Variants in DAB1 observed in about 807,000 individuals in gnomAD.
DAB1 encodes disabled homolog 1.
Under a neutral mutation model 64.6 loss-of-function variants are expected in DAB1, and 15 were observed. That is an observed-to-expected ratio of 0.23 (90% CI 0.16 to 0.36). The LOEUF (loss-of-function observed/expected upper bound fraction) is 0.36, where lower values mean the gene tolerates loss of function less well. Among genes scored for constraint, DAB1 ranks in the 10% least tolerant of loss-of-function variants. The pLI is 1.00. For missense variants in DAB1, 596 were observed against 706.7 expected (o/e 0.84, Z 1.78); for synonymous variants, 235 against 251.9 (o/e 0.93, Z 0.64).
chr1:57,205,390 G>T (rs563177607), intron 2 of DAB1, among the ~76,000 whole-genome samples: 1 of 152,184 alleles, frequency 6.6e-6, no homozygotes, highest in African/African-American at 2.4e-5. Context: ...CTCTCTGAGC[G>T]TAGCCATGGG....
At chr1:57,261,521 GTCTATTT>G (rs1456288788) in intron 2 of DAB1, among the ~76,000 whole-genome samples, 1 of 152,130 alleles carries the variant, frequency 6.6e-6, no homozygotes, top group African/African-American at 2.4e-5. Context: ...AGTGATCCAT[GTCTATTT>G]TGGTGTATCC....
intron 4 of DAB1, among the ~76,000 whole-genome samples, chr1:57,117,152 A>C (rs975606678): frequency 2.6e-5 from 4 of 152,194 alleles, no homozygotes; most frequent in African/African-American, 9.7e-5. Context: ...TTGGCTGAAA[A>C]AGCTGGAACT....
In DAB1 at chr1:58,072,086, G is replaced by C. The variant is rs946556792; in HGVS notation, n.387+78425C>G. 1.5e-4 allele frequency among the ~76,000 whole-genome samples: 5 copies of C among 32,576 alleles called. No individual in the cohort carries two copies. The Admixed American group carries it at 1.9e-3, about 13-fold the overall frequency. The allele number at this position is 32,576 out of a possible 152,430, so 21.4% of individuals were successfully genotyped here. On this transcript the variant is annotated intron_variant and non_coding_transcript_variant, in intron 5 of 20. Transcript: ENST00000485760. The stretch of plus-strand genomic sequence containing the variant: ...GGATAGCAAACATTATTGGTGGGGT[G>C]GGGGGGGGTGGGTAGTAGGGAAGGT...
chr1:58,251,949 G>A (rs138749892), intron 4 of DAB1, among the ~76,000 whole-genome samples: 1 of 152,238 alleles, frequency 6.6e-6, no homozygotes, highest in East Asian at 1.9e-4. Context: ...CTTCCCCTCT[G>A]CCTGTAGTTC....
At chr1:57,032,496 G>A (rs1005173800) in intron 9 of DAB1, among the ~76,000 whole-genome samples, 4 of 151,868 alleles carry the variant, frequency 2.6e-5, no homozygotes, top group Non-Finnish European at 5.9e-5. Flanking sequence ...CCTTCAGGAC[G>A]CAAATTAGAA....
rs577404216 is a variant in DAB1 at position 58,503,207 on chromosome 1, C to A, written n.257+2853G>T. ...AGCGAAAATAAAAAGAAAAAAAATT[C>A]AAGAGAAAATCATATTGTTATCATT... On this transcript the variant is annotated intron_variant and non_coding_transcript_variant, in intron 3 of 20. Transcript: ENST00000485760. Among the ~76,000 whole-genome samples the A allele has an allele frequency of 5.3e-5, 8 of 152,138 alleles. No homozygotes were observed. The South Asian group carries it at 1.7e-3, about 32-fold the overall frequency.
At chr1:57,619,850 G>A (rs1183312663) in intron 7 of DAB1, among the ~76,000 whole-genome samples, 2 of 152,130 alleles carry the variant, frequency 1.3e-5, no homozygotes, top group Non-Finnish European at 2.9e-5. Context: ...TCAAGGAGGG[G>A]AGGGGTCAAC....
chr1:58,481,749 T>C (rs1299459889), intron 3 of DAB1, among the ~76,000 whole-genome samples: 2 of 152,194 alleles, frequency 1.3e-5, no homozygotes, highest in East Asian at 1.9e-4. Flanking sequence ...CGTGCTGTTC[T>C]CATGATAGTG....
At chr1:57,117,255 C>T (rs1259657730) in intron 4 of DAB1, among the ~76,000 whole-genome samples, 3 of 152,236 alleles carry the variant, frequency 2.0e-5, no homozygotes, top group Non-Finnish European at 1.5e-5. Flanking sequence ...AGACACTCTA[C>T]TGGCTGGCCA....
At chr1:58,004,915 T>G (rs1349720569) in intron 5 of DAB1, among the ~76,000 whole-genome samples, 1 of 152,246 alleles carries the variant, frequency 6.6e-6, no homozygotes, top group East Asian at 1.9e-4. Flanking sequence ...ACTTTTCTTT[T>G]TCTCTAATAC....
chr1:57,857,971 T>G (rs1340087383), intron 1 of DAB1, among the ~76,000 whole-genome samples: 2 of 148,046 alleles, frequency 1.4e-5, no homozygotes, highest in African/African-American at 5.0e-5. Flanking sequence ...CCCTGAAGCC[T>G]AGAGAGGGGA....
chr1:57,501,564 C>CATTG (rs1644290073), intron 7 of DAB1, among the ~76,000 whole-genome samples: 1 of 152,188 alleles, frequency 6.6e-6, no homozygotes, highest in South Asian at 2.1e-4. Context: ...AACATCTGAA[C>CATTG]ATTGAACAAT....
chr1:57,152,857 G>A (rs1040508850), intron 2 of DAB1, among the ~76,000 whole-genome samples: 1 of 152,166 alleles, frequency 6.6e-6, no homozygotes, highest in Non-Finnish European at 1.5e-5. Context: ...GAGTTGGTAA[G>A]TGCTAAAGCT....
chr1:58,194,765 G>T (rs1003389107), intron 4 of DAB1, among the ~76,000 whole-genome samples: 1 of 152,080 alleles, frequency 6.6e-6, no homozygotes, highest in East Asian at 1.9e-4. Flanking sequence ...ACGTTCCATG[G>T]TGTCATTCTA....
intron 4 of DAB1, among the ~76,000 whole-genome samples, chr1:58,263,980 T>A (rs1246524453): frequency 1.3e-5 from 2 of 152,220 alleles, no homozygotes; most frequent in African/African-American, 4.8e-5. Context: ...AAGCATGATA[T>A]GTATAGTGTG....
intron 4 of DAB1, among the ~76,000 whole-genome samples, chr1:57,108,365 G>A (rs1035427624): frequency 6.6e-6 from 1 of 152,096 alleles, no homozygotes; most frequent in Non-Finnish European, 1.5e-5. Context: ...TTATCTACCT[G>A]CACTCAGCTG....
chr1:57,419,904 A>G (rs1684770318), intron 1 of DAB1, among the ~76,000 whole-genome samples: 1 of 152,240 alleles, frequency 6.6e-6, no homozygotes, highest in African/African-American at 2.4e-5. Flanking sequence ...TTTTAGTTTG[A>G]GAATCTCTGC....
intron 5 of DAB1, among the ~76,000 whole-genome samples, chr1:57,899,579 T>C (rs1482124170): frequency 6.6e-6 from 1 of 152,050 alleles, no homozygotes; most frequent in East Asian, 1.9e-4. Flanking sequence ...CACCCTACCC[T>C]GAGACCGCAA....
At chr1:57,473,842 T>C (rs762510900) in intron 7 of DAB1, among the ~76,000 whole-genome samples, 44 of 152,350 alleles carry the variant, frequency 2.9e-4, no homozygotes, top group Non-Finnish European at 6.0e-4. Context: ...TACTCATTTC[T>C]ATATATTTTT....
Sources: allele counts gnomAD v4.1 joint callset (sites outside exome capture counted in the v4.1 genomes callset), GRCh38; gene constraint gnomAD v4.1.1; transcripts MANE v1.5; gene names NCBI Gene and HGNC (gene_info 2026-07-23, HGNC 2026-07-21).